GPC6: variants seen among roughly 807,000 people sequenced by gnomAD.
GPC6 encodes glypican-6.
Under a neutral mutation model 55.2 loss-of-function variants are expected in GPC6, and 14 were observed. That is an observed-to-expected ratio of 0.25 (90% CI 0.17 to 0.40). The LOEUF is 0.40. Ranked by LOEUF, GPC6 falls within the 10% of genes least tolerant of loss-of-function variation. The pLI is 1.00. For synonymous variants in GPC6, 278 were observed against 259.6 expected, an observed-to-expected ratio of 1.07 and a Z score of -0.68; for missense variants, 641 against 708.5, an observed-to-expected ratio of 0.90 and a Z score of 1.08.
chr13:93,656,332 T>C (rs1880664462), intron 2 of GPC6, among the ~76,000 whole-genome samples: 1 of 152,116 alleles, frequency 6.6e-6, no homozygotes, highest in Non-Finnish European at 1.5e-5. Flanking sequence ...ATTACCAAAC[T>C]AAAATGTTAC....
At chr13:94,361,129 A>AG (rs1361191207) in intron 6 of GPC6, among the ~76,000 whole-genome samples, 1 of 152,202 alleles carries the variant, frequency 6.6e-6, no homozygotes, top group Non-Finnish European at 1.5e-5. Flanking sequence ...TACAAATTGG[A>AG]GGCAATTATG....
At chr13:93,649,734 A>T (rs2139597204) in intron 2 of GPC6, among the ~76,000 whole-genome samples, 1 of 152,316 alleles carries the variant, frequency 6.6e-6, no homozygotes, top group East Asian at 1.9e-4. Flanking sequence ...TATGTACATA[A>T]AGTCAGCAGT....
At chr13:93,358,975 C>CTTTTTTTT (rs1555293628) in intron 1 of GPC6, among the ~76,000 whole-genome samples, 1 of 99,448 alleles carries the variant, frequency 1.0e-5, no homozygotes, top group Non-Finnish European at 2.0e-5. Flanking sequence ...TTCTCTCTCT[C>CTTTTTTTT]TTTTTTTTTT....
chr13:94,315,106 A>G (rs1876452928), intron 6 of GPC6, among the ~76,000 whole-genome samples: 1 of 152,220 alleles, frequency 6.6e-6, no homozygotes, highest in South Asian at 2.1e-4. Context: ...TATACCCATA[A>G]CACTGGCTGA....
intron 4 of GPC6, among the ~76,000 whole-genome samples, chr13:94,140,249 G>A (rs1887326584): frequency 6.6e-6 from 1 of 152,102 alleles, no homozygotes; most frequent in South Asian, 2.1e-4. Flanking sequence ...GCAGGGACTG[G>A]AAGTTCCTCT....
intron 2 of GPC6, among the ~76,000 whole-genome samples, chr13:93,780,723 T>G (rs1391577081): frequency 6.6e-6 from 1 of 152,122 alleles, no homozygotes; most frequent in Non-Finnish European, 1.5e-5. Context: ...AGTCATAGAA[T>G]GATTCAACAA....
intron 1 of GPC6, among the ~76,000 whole-genome samples, chr13:93,338,470 C>T (rs948959597): frequency 6.6e-6 from 1 of 152,132 alleles, no homozygotes; most frequent in Non-Finnish European, 1.5e-5. Flanking sequence ...TTCCAGTAGA[C>T]CTTTTGAAAT....
At chr13:93,481,868 C>T (rs1433666451) in intron 1 of GPC6, among the ~76,000 whole-genome samples, 1 of 152,088 alleles carries the variant, frequency 6.6e-6, no homozygotes, top group Non-Finnish European at 1.5e-5. Flanking sequence ...CAAATTTGTT[C>T]TTTTACAAGA....
At chr13:93,598,551 T>A (rs927006891) in intron 2 of GPC6, among the ~76,000 whole-genome samples, 8 of 152,220 alleles carry the variant, frequency 5.3e-5, no homozygotes, top group African/African-American at 1.9e-4. Flanking sequence ...TATATGAAAT[T>A]GCTGATATTT....
At chr13:94,334,723 G>T (rs1274759061) in intron 6 of GPC6, among the ~76,000 whole-genome samples, 1 of 152,262 alleles carries the variant, frequency 6.6e-6, no homozygotes, top group East Asian at 1.9e-4. Flanking sequence ...AGAAAATAAG[G>T]ATTCAGCCCC....
At chr13:93,496,860 A>G (rs1388740203) in intron 1 of GPC6, among the ~76,000 whole-genome samples, 1 of 152,230 alleles carries the variant, frequency 6.6e-6, no homozygotes, top group Non-Finnish European at 1.5e-5. Flanking sequence ...CTTATTTTAT[A>G]AATAGTCTGT....
chr13:93,746,146 A>G (rs1884389692), intron 2 of GPC6, among the ~76,000 whole-genome samples: 1 of 152,230 alleles, frequency 6.6e-6, no homozygotes, highest in African/African-American at 2.4e-5. Context: ...AAGTGTACCA[A>G]TGATCTTATG....
chr13:94,364,590 C>T (rs1935612140), intron 6 of GPC6, among the ~76,000 whole-genome samples: 1 of 152,170 alleles, frequency 6.6e-6, no homozygotes, highest in Non-Finnish European at 1.5e-5. Flanking sequence ...CCCTACAACC[C>T]TTAAATGTGT....
At chr13:93,560,001 T>C (rs115641786) in intron 2 of GPC6, among the ~76,000 whole-genome samples, 1,650 of 152,274 alleles carry the variant, frequency 0.011, 23 homozygotes, top group African/African-American at 0.038. Context: ...AATGGATTTA[T>C]TGCCAATGAG....
chr13:93,353,219 A>T (rs1238626306), intron 1 of GPC6, among the ~76,000 whole-genome samples: 1 of 152,200 alleles, frequency 6.6e-6, no homozygotes, highest in African/African-American at 2.4e-5. Context: ...TAGGCATACG[A>T]TAAAGTAATT....
intron 1 of GPC6, among the ~76,000 whole-genome samples, chr13:93,544,474 G>A (rs761178129): frequency 9.9e-5 from 15 of 152,156 alleles, no homozygotes; most frequent in Non-Finnish European, 1.9e-4. Flanking sequence ...CTGTGAGAAA[G>A]ATTTTTGACA....
At chr13:93,724,512 A>C (rs1883560885) in intron 2 of GPC6, among the ~76,000 whole-genome samples, 1 of 151,952 alleles carries the variant, frequency 6.6e-6, no homozygotes, top group Admixed American at 6.6e-5. Context: ...GTTTTAATGA[A>C]GTGTTTCTAA....
chr13:93,301,027 AAAAAG>A (rs1353400052), intron 1 of GPC6, among the ~76,000 whole-genome samples: 1 of 152,176 alleles, frequency 6.6e-6, no homozygotes, highest in African/African-American at 2.4e-5. Context: ...CTCAAAAAAA[AAAAAG>A]AAAACCTTGT....
At chr13:93,644,662 T>A (rs896650027) in intron 2 of GPC6, among the ~76,000 whole-genome samples, 1 of 151,986 alleles carries the variant, frequency 6.6e-6, no homozygotes, top group South Asian at 2.1e-4. Flanking sequence ...ATGAATTTTA[T>A]AAAAATAATG....
Sources: gnomAD v4.1 joint callset for allele counts (sites outside exome capture counted in the v4.1 genomes callset) on GRCh38, gnomAD v4.1.1 for gene constraint, MANE v1.5 for transcripts, NCBI Gene and HGNC (gene_info 2026-07-23, HGNC 2026-07-21) for gene names.